Variants in EPB41L4B observed in about 807,000 individuals in gnomAD.
The protein encoded by EPB41L4B is band 4.1-like protein 4B.
Under a neutral mutation model 112.5 loss-of-function variants are expected in EPB41L4B, and 30 were observed. That is an observed-to-expected ratio of 0.27 (90% CI 0.20 to 0.36). The LOEUF is 0.36. Ranked by LOEUF, EPB41L4B falls within the 10% of genes least tolerant of loss-of-function variation. The pLI is 1.00. For missense variants in EPB41L4B, 1,024 were observed against 1,133.3 expected (o/e 0.90, Z 1.38); for synonymous variants, 408 against 439.7 (o/e 0.93, Z 0.90).
chr9:109,222,091 A>T (rs1833594037), intron 15 of EPB41L4B, among the ~76,000 whole-genome samples: 1 of 152,226 alleles, frequency 6.6e-6, no homozygotes. Context: ...GGAAACCCAG[A>T]GTAAAGAGTT....
At chr9:109,226,630 GAAGAATATATATATA>G (rs1162895922) in intron 15 of EPB41L4B, among the ~76,000 whole-genome samples, 109 of 118,948 alleles carry the variant, frequency 9.2e-4, no homozygotes, top group South Asian at 1.8e-3. Flanking sequence ...ATATATATAT[GAAGAATATATATATA>G]TATGAAGAAT....
chr9:109,312,466 G>T (rs901075027), intron 1 of EPB41L4B, among the ~76,000 whole-genome samples: 1 of 152,074 alleles, frequency 6.6e-6, no homozygotes, highest in African/African-American at 2.4e-5. Flanking sequence ...GGGGCTCAGG[G>T]GTCGCCATCC....
chr9:109,222,296 C>T (rs547411859), intron 15 of EPB41L4B, among the ~76,000 whole-genome samples: 22 of 152,280 alleles, frequency 1.4e-4, no homozygotes, highest in African/African-American at 4.3e-4. Context: ...AAAGGTCTTT[C>T]GCAGAGCAAA....
chr9:109,203,553 T>G, intron 19 of EPB41L4B, 110 bp downstream of exon 19: 2 of 912,220 alleles, frequency 2.2e-6, no homozygotes, highest in Non-Finnish European at 3.5e-6. Flanking sequence ...TATTCTCTGT[T>G]TTATTTGTCC....
Position 109,174,304 on chromosome 9 carries a change from C to T in EPB41L4B, c.*250G>A. On this transcript the variant is annotated 3_prime_UTR_variant, in exon 26 of 26. Coordinates refer to ENST00000374566, the MANE Select transcript of EPB41L4B (RefSeq NM_019114.5). Reference sequence around the variant, plus strand: ...CTTCTGAAAAGGAATCCCGTTTTCCCATCTTTCTTTTCCTAGACTTATCAA... The same window carrying T: ...CTTCTGAAAAGGAATCCCGTTTTCCTATCTTTCTTTTCCTAGACTTATCAA... 1 of 405,372 alleles carries T rather than the reference C, an allele frequency of 2.5e-6. No individual in the cohort carries two copies. The allele number at this position is 405,372 out of a possible 1,614,324, so 25.1% of individuals were successfully genotyped here.
intron 21 of EPB41L4B, among the ~76,000 whole-genome samples, chr9:109,193,510 G>A (rs1042009413): frequency 3.9e-5 from 6 of 152,248 alleles, no homozygotes; most frequent in Admixed American, 3.3e-4. Context: ...GAATGGAAGA[G>A]CTGGGAACAG....
rs193228988 is a variant in EPB41L4B, at chr9:109,298,022, T to C, written c.307-18101A>G. Among the ~76,000 whole-genome samples, 384 of 152,206 alleles carry C rather than the reference T, an allele frequency of 2.5e-3. 2 individuals are homozygous for C. Among genetic ancestry groups the C allele is most frequent in the Non-Finnish European group, 4.0e-3 (270 of 67,998 alleles). On this transcript the variant is annotated intron_variant, in intron 1 of 25. Coordinates refer to ENST00000374566, the MANE Select transcript of EPB41L4B (RefSeq NM_019114.5). ...ACAAATAAAGTTGTCTTTTTATAGA[T>C]AGCCTTTTTTCTTCTGGGTGAGTCA...
At chr9:109,318,754 G>A (rs1291323997) in intron 1 of EPB41L4B, among the ~76,000 whole-genome samples, 1 of 152,150 alleles carries the variant, frequency 6.6e-6, no homozygotes, top group Non-Finnish European at 1.5e-5. Context: ...CTAAGCACCC[G>A]AATGTTGGCT....
intron 15 of EPB41L4B, chr9:109,241,730 G>C: frequency 6.2e-7 from 1 of 1,614,144 alleles, no homozygotes; most frequent in Non-Finnish European, 8.5e-7. Context: ...TTCTGGTTCT[G>C]GTCGTGGACA....
At chr9:109,262,456 T>TGG (rs1835245526) in intron 6 of EPB41L4B, among the ~76,000 whole-genome samples, 1 of 151,222 alleles carries the variant, frequency 6.6e-6, no homozygotes, top group East Asian at 2.0e-4. Context: ...TGTGGGGGTG[T>TGG]GTGTGTGTGT....
chr9:109,176,467 C>T lies in EPB41L4B; in HGVS notation c.2633+84G>A, dbSNP rs140531901. 5.0e-5 allele frequency: 71 copies of T among 1,421,262 alleles called. No homozygotes were observed. The African/African-American group carries it at 7.6e-4, about 15-fold the overall frequency. The allele number at this position is 1,421,262 out of a possible 1,614,324, so 88.0% of individuals were successfully genotyped here. A position where few individuals can be genotyped will look rare whatever the true frequency, so the allele number is the denominator to read the frequency against. ...TGAAAGAATGTAGGAAAGGCCTGTA[C>T]GTGTCACAAACACAATGAACCTAGA... On this transcript the variant is annotated intron_variant, in intron 25 of 25. Transcript: ENST00000374566.
At chr9:109,294,833 C>T (rs1434285559) in intron 1 of EPB41L4B, among the ~76,000 whole-genome samples, 1 of 151,954 alleles carries the variant, frequency 6.6e-6, no homozygotes, top group Admixed American at 6.6e-5. Context: ...CACACTTTCT[C>T]GATATTTTGT....
At chr9:109,194,068 A>G in intron 21 of EPB41L4B, 152 bp downstream of exon 21, 2 of 818,260 alleles carry the variant, frequency 2.4e-6, no homozygotes, top group Non-Finnish European at 3.7e-6. Flanking sequence ...GTCAAGTTAT[A>G]TAAAAACATG....
At chr9:109,225,543 C>G (rs531053562) in intron 15 of EPB41L4B, among the ~76,000 whole-genome samples, 1 of 152,184 alleles carries the variant, frequency 6.6e-6, no homozygotes, top group African/African-American at 2.4e-5. Flanking sequence ...GACTTATTCA[C>G]TACCACAGTA....
chr9:109,250,622 G>A (rs762807189), intron 13 of EPB41L4B, among the ~76,000 whole-genome samples: 7 of 152,100 alleles, frequency 4.6e-5, no homozygotes, highest in African/African-American at 1.4e-4. Flanking sequence ...GGTATATGCC[G>A]GGCAGACTCA....
At chr9:109,220,604 T>C (rs565844362) in intron 15 of EPB41L4B, among the ~76,000 whole-genome samples, 1 of 152,272 alleles carries the variant, frequency 6.6e-6, no homozygotes, top group South Asian at 2.1e-4. Flanking sequence ...GGAGGTGTCA[T>C]TGAGGACTGT....
At chr9:109,185,382 C>G (rs1000881199) in intron 23 of EPB41L4B, 107 bp downstream of exon 23, 2 of 919,146 alleles carry the variant, frequency 2.2e-6, no homozygotes, top group Non-Finnish European at 3.5e-6. Context: ...TGGGCTCTGC[C>G]CGAGATCTGG....
intron 1 of EPB41L4B, among the ~76,000 whole-genome samples, chr9:109,295,837 GTTT>G (rs3838723): frequency 6.7e-6 from 1 of 149,804 alleles, no homozygotes; most frequent in East Asian, 2.0e-4. Flanking sequence ...CTTTTTTTCT[GTTT>G]TTTTTTCTTT....
Position 109,256,073 on chromosome 9 carries a change from T to C in EPB41L4B, c.929+63A>G, listed in dbSNP as rs565070526. 3 of 1,422,062 alleles carry C rather than the reference T, an allele frequency of 2.1e-6. No homozygotes were observed. The East Asian group carries it at 6.8e-5, about 32-fold the overall frequency. 88.1% of individuals were successfully genotyped at this position (1,422,062 alleles called of 1,614,324 possible). The stretch of plus-strand genomic sequence containing the variant: ...GCAGATACCCCTCAATAATCATCCA[T>C]CACATAGAATTCCACCACAAAATAG... On this transcript the variant is annotated intron_variant, in intron 9 of 25. Transcript: ENST00000374566.
Sources: allele counts gnomAD v4.1 joint callset (sites outside exome capture counted in the v4.1 genomes callset), GRCh38; gene constraint gnomAD v4.1.1; transcripts MANE v1.5; gene names NCBI Gene and HGNC (gene_info 2026-07-23, HGNC 2026-07-21).